EHMT1: variants seen among roughly 807,000 people sequenced by gnomAD.
EHMT1 encodes the protein euchromatic histone lysine methyltransferase 1.
A neutral mutation model predicts 147.2 loss-of-function variants in EHMT1; 15 were observed. The observed-to-expected ratio is 0.10, with a 90% CI of 0.07 to 0.16. EHMT1 has a LOEUF of 0.16. Among genes scored for constraint, EHMT1 ranks in the 10% least tolerant of loss-of-function variants. EHMT1 has a pLI of 1.00. For missense variants in EHMT1, 1,587 were observed against 1,772.4 expected (o/e 0.90, Z 1.88); for synonymous variants, 795 against 709.6 (o/e 1.12, Z -1.91).
At chr9:137,717,768 G>A (rs1945495052) in intron 3 of EHMT1, among the ~76,000 whole-genome samples, 2 of 152,162 alleles carry the variant, frequency 1.3e-5, no homozygotes, top group Non-Finnish European at 2.9e-5. Flanking sequence ...GGAGGCCACG[G>A]CCTCTTCTGC....
rs1947204453 is a variant in EHMT1, at chr9:137,732,589, G to A, written c.823+4060G>A. Among the ~76,000 whole-genome samples the A allele has an allele frequency of 6.6e-6, 1 of 152,154 alleles. No homozygotes were observed. Among genetic ancestry groups the A allele is most frequent in the African/African-American group, 2.4e-5 (1 of 41,438 alleles). The stretch of plus-strand genomic sequence containing the variant: ...GAAGTGCATGCTGATTGGTCCATGG[G>A]TAGGTCTGGAAAAAACACCATTTGA... On this transcript the variant is annotated intron_variant, in intron 4 of 26. Coordinates refer to ENST00000460843, the MANE Select transcript of EHMT1 (RefSeq NM_024757.5). The surrounding 1 kb of genome is among the most constrained non-coding windows in gnomAD (Gnocchi z 4.6).
At chr9:137,651,672 A>C (rs1011124231) in intron 1 of EHMT1, among the ~76,000 whole-genome samples, 66 of 152,158 alleles carry the variant, frequency 4.3e-4, no homozygotes, top group African/African-American at 1.5e-3. Flanking sequence ...GCACACACTT[A>C]TAATCCCAGC....
chr9:137,823,952 T>C (rs751477014), intron 25 of EHMT1, among the ~76,000 whole-genome samples: 1 of 152,258 alleles, frequency 6.6e-6, no homozygotes, highest in Non-Finnish European at 1.5e-5. Flanking sequence ...ATGTGTGTGA[T>C]GTGAATATTT....
chr9:137,757,948 A>T lies in EHMT1; in HGVS notation c.1438A>T (p.Met480Leu), dbSNP rs150398744. 3.1e-6 allele frequency: 5 copies of T among 1,614,082 alleles called. No individual in the cohort carries two copies. Among genetic ancestry groups the T allele is most frequent in the Non-Finnish European group, 4.2e-6 (5 of 1,180,014 alleles). The change falls in exon 9 of 27, where the codon ATG becomes TTG. Residue 480 changes from methionine to leucine, a missense_variant. By Grantham distance (15) the Met-to-Leu change is conservative (BLOSUM62 2). This residue lies in a region of EHMT1 where 810 missense variants were observed against 673.0 expected (regional missense o/e 1.20). Transcript: ENST00000460843. The stretch of plus-strand genomic sequence containing the variant: ...GGCACCAGGAGACAGCACAGGGTAC[A>T]TGGAAGTTTCTCTGGACTCCCTGGA... ...QTAPGDSTGYMEVSLDSLDLR... is the reference protein window; with the variant it reads ...QTAPGDSTGYLEVSLDSLDLR...
At chr9:137,701,171 A>T (rs372676273) in intron 1 of EHMT1, among the ~76,000 whole-genome samples, 21 of 152,168 alleles carry the variant, frequency 1.4e-4, no homozygotes, top group African/African-American at 4.3e-4. Flanking sequence ...CCCTCCCCCA[A>T]CATTGAGGAT....
At chr9:137,695,932 A>G (rs987209426) in intron 1 of EHMT1, among the ~76,000 whole-genome samples, 2 of 152,254 alleles carry the variant, frequency 1.3e-5, no homozygotes, top group Admixed American at 1.3e-4. Context: ...CATAGCCGAA[A>G]GAACTGGACA....
chr9:137,765,469 C>T (rs866120797), intron 10 of EHMT1, among the ~76,000 whole-genome samples: 21 of 152,166 alleles, frequency 1.4e-4, no homozygotes, highest in African/African-American at 4.8e-4. Context: ...AACACAGATC[C>T]CTTGGGCTCT....
At chr9:137,748,648 C>T (rs968546176) in intron 6 of EHMT1, among the ~76,000 whole-genome samples, 4 of 152,228 alleles carry the variant, frequency 2.6e-5, no homozygotes, top group Non-Finnish European at 5.9e-5. Flanking sequence ...CTCCAACGAG[C>T]AGATAGTGGC....
At position 137,681,955 on chromosome 9, in the gene EHMT1, G is replaced by T. The variant is rs979508114; in HGVS notation, c.22-29012G>T. On this transcript the variant is annotated intron_variant, in intron 1 of 26. Coordinates refer to ENST00000460843, the MANE Select transcript of EHMT1 (RefSeq NM_024757.5). Reference sequence around the variant, plus strand: ...TCGCGGTTTTTGTGTTTTTTTGTTTGTTTGTTTGTTTTTTTGAGGCAGTCT... The same window carrying T: ...TCGCGGTTTTTGTGTTTTTTTGTTTTTTTGTTTGTTTTTTTGAGGCAGTCT... 2.2e-4 allele frequency among the ~76,000 whole-genome samples: 34 copies of T among 151,660 alleles called. No individual in the cohort carries two copies. In the East Asian group the frequency reaches 2.9e-3, roughly 13 times the overall value.
intron 1 of EHMT1, among the ~76,000 whole-genome samples, chr9:137,620,914 C>T (rs949584784): frequency 1.5e-4 from 23 of 152,168 alleles, no homozygotes. Context: ...TGTGTCCAAC[C>T]CTGCCATAGT....
chr9:137,706,151 G>A (rs75542273), intron 1 of EHMT1, among the ~76,000 whole-genome samples: 3,657 of 152,266 alleles, frequency 0.024, 73 homozygotes, highest in Non-Finnish European at 0.033. Flanking sequence ...ATGCAGAGCC[G>A]ACCTGGCCTG....
rs549794407 is a variant in EHMT1 at position 137,676,361 on chromosome 9, G to A, written c.22-34606G>A. Reference sequence around the variant, plus strand: ...TGGGATTACAGGCGTGAGCCACCGCGCCCGGCCTATATTTTATTTTTTTAG... The same window carrying A: ...TGGGATTACAGGCGTGAGCCACCGCACCCGGCCTATATTTTATTTTTTTAG... On this transcript the variant is annotated intron_variant, in intron 1 of 26. Transcript: ENST00000460843. 9 of 152,600 alleles carry A rather than the reference G, an allele frequency of 5.9e-5. No homozygotes were observed. In the East Asian group the frequency reaches 1.5e-3, roughly 26 times the overall value. 9.5% of individuals were successfully genotyped at this position (152,600 alleles called of 1,614,324 possible). A position where few individuals can be genotyped will look rare whatever the true frequency, so the allele number is the denominator to read the frequency against.
intron 6 of EHMT1, among the ~76,000 whole-genome samples, chr9:137,749,924 T>C (rs965798343): frequency 6.6e-6 from 1 of 152,206 alleles, no homozygotes; most frequent in Admixed American, 6.5e-5. Flanking sequence ...ATTTCGATGG[T>C]CAGTCGTGAA....
intron 25 of EHMT1, among the ~76,000 whole-genome samples, chr9:137,827,259 CAGGG>C (rs1955870158): frequency 6.6e-6 from 1 of 152,136 alleles, no homozygotes; most frequent in African/African-American, 2.4e-5. Flanking sequence ...TCCCTAAGTC[CAGGG>C]CAGGCTCTGG....
At chr9:137,738,409 A>G (rs1037345234) in intron 4 of EHMT1, among the ~76,000 whole-genome samples, 8 of 152,176 alleles carry the variant, frequency 5.3e-5, no homozygotes, top group African/African-American at 7.2e-5. Context: ...AAAATGGCAC[A>G]TATCAGTGAG....
intron 18 of EHMT1, 31 bp from the exon 19 acceptor site, chr9:137,811,430 C>G: frequency 6.2e-7 from 1 of 1,611,104 alleles, no homozygotes; most frequent in South Asian, 1.1e-5. Flanking sequence ...AGCAGGAAGC[C>G]TGCACTGAGC....
intron 5 of EHMT1, 35 bp downstream of exon 5, chr9:137,743,563 C>T (rs1306198145): frequency 2.1e-5 from 34 of 1,613,336 alleles, no homozygotes; most frequent in Non-Finnish European, 2.9e-5. Context: ...GCCACGTGTG[C>T]GTGGAAATGC....
chr9:137,798,616 A>G (rs1323133971), intron 16 of EHMT1, among the ~76,000 whole-genome samples, 197 bp from the exon 17 acceptor site: 1 of 152,166 alleles, frequency 6.6e-6, no homozygotes, highest in African/African-American at 2.4e-5. Context: ...CTGACCACTC[A>G]TGGGGCCACA....
rs182591811 is a variant in EHMT1 at position 137,623,244 on chromosome 9, G to T, written c.21+4195G>T. ...AAAAAAAAGAAAAAAAAGAATGCAT[G>T]TTCCCTCTGCCTGGTACACAGCATC... On this transcript the variant is annotated intron_variant, in intron 1 of 26. Coordinates refer to ENST00000460843, the MANE Select transcript of EHMT1 (RefSeq NM_024757.5). Among the ~76,000 whole-genome samples the T allele has an allele frequency of 3.0e-3, 448 of 151,582 alleles. 2 individuals carry two copies. The highest frequency in any genetic ancestry group is 5.4e-3 in the Non-Finnish European group (367 of 67,894).
Sources: allele counts gnomAD v4.1 joint callset (sites outside exome capture counted in the v4.1 genomes callset), GRCh38; gene constraint gnomAD v4.1.1; regional missense constraint gnomAD v4.1.1; non-coding constraint Gnocchi (gnomAD v3.1); transcripts MANE v1.5; gene names NCBI Gene and HGNC (gene_info 2026-07-23, HGNC 2026-07-21).